LTBP1: variants seen among roughly 807,000 people sequenced by gnomAD.
LTBP1 encodes the protein latent-transforming growth factor beta-binding protein 1.
A neutral mutation model predicts 207.6 loss-of-function variants in LTBP1; 129 were observed. The ratio of observed to expected loss-of-function variants is 0.62; its 90% CI spans 0.54 to 0.72. The LOEUF is 0.72. Ranked by LOEUF, LTBP1 falls within the 30% of genes least tolerant of loss-of-function variation. The pLI, the probability that LTBP1 is intolerant of heterozygous loss-of-function variation, is 0.00. For missense variants in LTBP1, 2,281 were observed against 2,217.2 expected (o/e 1.03, Z -0.58); for synonymous variants, 963 against 833.7 (o/e 1.16, Z -2.67).
At chr2:33,198,408 C>CAAATA (rs2088820495) in intron 7 of LTBP1, among the ~76,000 whole-genome samples, 1 of 152,126 alleles carries the variant, frequency 6.6e-6, no homozygotes, top group Non-Finnish European at 1.5e-5. Context: ...TGATGCTGGC[C>CAAATA]TCATAAAATG....
intron 3 of LTBP1, among the ~76,000 whole-genome samples, chr2:33,102,307 A>G (rs967157098): frequency 3.9e-5 from 6 of 152,118 alleles, no homozygotes; most frequent in African/African-American, 1.4e-4. Flanking sequence ...GCATTATAGG[A>G]TACTTAGTGT....
intron 2 of LTBP1, among the ~76,000 whole-genome samples, chr2:33,011,779 G>A (rs1687705042): frequency 6.6e-6 from 1 of 151,888 alleles, no homozygotes; most frequent in Non-Finnish European, 1.5e-5. Flanking sequence ...CTGCATACTA[G>A]ACACATATAT....
At chr2:33,263,929 G>A (rs569229458) in intron 15 of LTBP1, among the ~76,000 whole-genome samples, 5 of 141,942 alleles carry the variant, frequency 3.5e-5, no homozygotes, top group South Asian at 2.3e-4. Flanking sequence ...CTCCAGCCTG[G>A]TGACAGAGCG....
chr2:33,021,189 C>A lies in LTBP1; in HGVS notation c.846C>A (p.Pro282=). 2 of 1,598,068 alleles carry A rather than the reference C, an allele frequency of 1.3e-6. No homozygotes were observed. Among genetic ancestry groups the A allele is most frequent in the Non-Finnish European group, 8.6e-7 (1 of 1,169,198 alleles). The part of the protein sequence containing the change: ...TLKPKPSVGL[P]QQIHSQVTPL... ...AGCCGAAGCCTTCAGTGGGACTCCC[C>A]CAGCAGATACATTCTCAGTGAGTGT... Residue 282 remains proline (P), a synonymous_variant, in exon 3 of 34, where the codon CCC becomes CCA. Transcript: ENST00000404816.
intron 5 of LTBP1, among the ~76,000 whole-genome samples, chr2:33,177,320 AG>A (rs2086164477): frequency 6.6e-6 from 1 of 152,140 alleles, no homozygotes; most frequent in African/African-American, 2.4e-5. Flanking sequence ...GTGCTTGTGG[AG>A]GATATTCTTT....
intron 7 of LTBP1, among the ~76,000 whole-genome samples, chr2:33,211,095 T>G (rs1431543668): frequency 6.6e-6 from 1 of 152,200 alleles, no homozygotes; most frequent in Non-Finnish European, 1.5e-5. Flanking sequence ...ATGAGTTATA[T>G]ACATGTAATG....
At chr2:33,157,786 C>T (rs1017809185) in intron 5 of LTBP1, among the ~76,000 whole-genome samples, 1 of 152,214 alleles carries the variant, frequency 6.6e-6, no homozygotes, top group East Asian at 1.9e-4. Context: ...CCTGTGCCCA[C>T]CCAAATAAGG....
In LTBP1 at chr2:32,947,270, G is replaced by A. The variant is rs1168746690; in HGVS notation, c.-55G>A. ...ACGCGCGGGGAAAGGCGAGCCGCACGGCCGGGGGAGGGGGCCGGACCGCGC... is the reference window on the plus strand; with the variant it reads ...ACGCGCGGGGAAAGGCGAGCCGCACAGCCGGGGGAGGGGGCCGGACCGCGC... On this transcript the variant is annotated 5_prime_UTR_variant, in exon 1 of 34. Coordinates refer to ENST00000404816, the MANE Select transcript of LTBP1 (RefSeq NM_206943.4). The A allele has an allele frequency of 2.5e-6, 3 of 1,191,274 alleles. No individual in the cohort carries two copies. The highest frequency in any genetic ancestry group is 3.1e-6 in the Non-Finnish European group (3 of 957,936). 73.8% of individuals were successfully genotyped at this position (1,191,274 alleles called of 1,614,324 possible).
At position 33,252,763 on chromosome 2, in the gene LTBP1, C is replaced by A; in HGVS notation, c.2086C>A (p.His696Asn). ...GRQCMHPLSV[H>N]LTKQLCCCSV... ...ACAGTGTATGCACCCTCTGTCTGTT[C>A]ACCTCACCAAGCAGCTCTGCTGTTG... Residue 696 changes from histidine to asparagine, a missense_variant, in exon 11 of 34, where the codon CAC becomes AAC. By Grantham distance (68) the His-to-Asn change is moderately conservative. Coordinates refer to ENST00000404816, the MANE Select transcript of LTBP1 (RefSeq NM_206943.4). 6.2e-7 allele frequency: 1 copy of A among 1,614,060 alleles called. No homozygotes were observed. Among genetic ancestry groups the A allele is most frequent in the South Asian group, 1.1e-5 (1 of 91,064 alleles).
At chr2:33,038,931 G>A (rs545433559) in intron 3 of LTBP1, among the ~76,000 whole-genome samples, 1 of 152,198 alleles carries the variant, frequency 6.6e-6, no homozygotes, top group Non-Finnish European at 1.5e-5. Flanking sequence ...CTGCCTCTGG[G>A]TGCCTGCCTC....
intron 7 of LTBP1, among the ~76,000 whole-genome samples, chr2:33,201,953 C>T (rs17012657): frequency 0.081 from 12,171 of 150,244 alleles, 1,058 homozygotes; most frequent in African/African-American, 0.22. Flanking sequence ...ACAAGATTAT[C>T]TAATTGAAGA....
chr2:32,952,654 C>T (rs1412023446), intron 2 of LTBP1, among the ~76,000 whole-genome samples: 5 of 150,900 alleles, frequency 3.3e-5, no homozygotes, highest in African/African-American at 1.2e-4. Context: ...TTTTTTTTTT[C>T]TGCGCCCAAA....
intron 4 of LTBP1, among the ~76,000 whole-genome samples, chr2:33,111,075 A>G (rs749822994): frequency 6.6e-6 from 1 of 152,136 alleles, no homozygotes; most frequent in Non-Finnish European, 1.5e-5. Context: ...CATTGATGCA[A>G]TATTTTCTTT....
In LTBP1 at chr2:33,188,854, A is replaced by G; in HGVS notation, c.1701+3A>G. On this transcript the variant is annotated splice_donor_region_variant and intron_variant, in intron 7 of 33. Coordinates refer to ENST00000404816, the MANE Select transcript of LTBP1 (RefSeq NM_206943.4). ...TCCAGGAAACCATTGGGTCACAGGT[A>G]AACATCATCACCGAGCCTGCTTTAG... 6.2e-7 allele frequency: 1 copy of G among 1,613,820 alleles called. No individual in the cohort carries two copies. The highest frequency in any genetic ancestry group is 8.5e-7 in the Non-Finnish European group (1 of 1,179,700).
chr2:33,121,328 AC>A (rs1426532382), intron 4 of LTBP1, among the ~76,000 whole-genome samples: 1 of 152,010 alleles, frequency 6.6e-6, no homozygotes, highest in African/African-American at 2.4e-5. Context: ...TTTGTGAAAA[AC>A]ATCATAATTA....
At chr2:33,326,689 C>T (rs959804738) in intron 24 of LTBP1, among the ~76,000 whole-genome samples, 10 of 76,062 alleles carry the variant, frequency 1.3e-4, no homozygotes, top group African/African-American at 6.5e-4. Context: ...GGCCGAATCT[C>T]GCTCTGTTAC....
At chr2:33,196,676 C>A (rs1187027434) in intron 7 of LTBP1, among the ~76,000 whole-genome samples, 7 of 152,160 alleles carry the variant, frequency 4.6e-5, no homozygotes, top group Non-Finnish European at 8.8e-5. Context: ...TAAATGCTAA[C>A]TAAATAAATG....
chr2:33,288,562 AAAG>A (rs1441448182), intron 19 of LTBP1, among the ~76,000 whole-genome samples: 2 of 152,186 alleles, frequency 1.3e-5, no homozygotes, highest in African/African-American at 4.8e-5. Flanking sequence ...CGCAAAAAGA[AAAG>A]AAGTTGGAGG....
chr2:33,250,031 G>A (rs1391493113), intron 10 of LTBP1, among the ~76,000 whole-genome samples: 1 of 152,158 alleles, frequency 6.6e-6, no homozygotes, highest in Non-Finnish European at 1.5e-5. Context: ...CTTCCAGTCT[G>A]AGGTTAAAGA....
Sources: allele counts gnomAD v4.1 joint callset (sites outside exome capture counted in the v4.1 genomes callset), GRCh38; gene constraint gnomAD v4.1.1; transcripts MANE v1.5; gene names NCBI Gene and HGNC (gene_info 2026-07-23, HGNC 2026-07-21).